CRYBG1: variants seen among roughly 807,000 people sequenced by gnomAD.
The protein encoded by CRYBG1 is beta/gamma crystallin domain-containing protein 1.
CRYBG1 carries 139 observed loss-of-function variants against 189.2 expected under a neutral mutation model. The ratio of observed to expected loss-of-function variants is 0.73; its 90% confidence interval spans 0.64 to 0.85. CRYBG1 has a LOEUF of 0.85. Ranked by LOEUF, CRYBG1 falls within the 40% of genes least tolerant of loss-of-function variation. The pLI is 0.00. For missense variants in CRYBG1, 2,611 were observed against 2,675.8 expected (o/e 0.98, Z 0.53); for synonymous variants, 1,023 against 1,017.1 (o/e 1.01, Z -0.11).
At chr6:106,458,256 C>T (rs999360823) in intron 2 of CRYBG1, among the ~76,000 whole-genome samples, 14 of 152,204 alleles carry the variant, frequency 9.2e-5, no homozygotes, top group Admixed American at 5.2e-4. Context: ...CAGAAGGCTA[C>T]TGTTGTTTCC....
intron 8 of CRYBG1, among the ~76,000 whole-genome samples, chr6:106,531,263 C>A (rs563599261): frequency 6.6e-6 from 1 of 152,306 alleles, no homozygotes; most frequent in South Asian, 2.1e-4. Context: ...GGATAAATTA[C>A]AGATCATAGA....
In CRYBG1 at chr6:106,512,636, C is replaced by A. The variant is rs747362314; in HGVS notation, c.1519C>A (p.Pro507Thr). The A allele has an allele frequency of 6.3e-7, 1 of 1,590,978 alleles. No individual in the cohort carries two copies. The highest frequency in any genetic ancestry group is 1.8e-5 in the Admixed American group (1 of 56,286). ...GGAGTCGGACCGGAGCAAACAGCCA[C>A]CCCCGGCTTCGTCCCCCACGAAGAG... ...RGESDRSKQP[P>T]PASSPTKRKG... The change falls in exon 3 of 22, where the codon CCC becomes ACC. Residue 507 changes from proline to threonine, a missense_variant. Around this residue, in one of 3 missense-constraint regions of CRYBG1, gnomAD observed 985 missense variants for 924.4 expected, o/e 1.07. Coordinates refer to ENST00000633556, the MANE Select transcript of CRYBG1 (RefSeq NM_001371242.2).
intron 16 of CRYBG1, among the ~76,000 whole-genome samples, chr6:106,554,350 C>T (rs1774482860): frequency 6.6e-6 from 1 of 152,160 alleles, no homozygotes; most frequent in African/African-American, 2.4e-5. Context: ...GCAGTGGCTC[C>T]TGCCTGTAAT....
rs577957311 is a variant in CRYBG1 at position 106,539,433 on chromosome 6, G to A, written c.4749G>A (p.Gln1583=). ...TGATTTATGAAGAACCTGGATTTCA[G>A]GGTGTTCCTTTCATCCTGGAACCTG... is the stretch of plus-strand genomic sequence containing the variant. ...TWLIYEEPGF[Q]GVPFILEPGE... Residue 1583 remains glutamine, a synonymous_variant, in exon 9 of 22, where the codon CAG becomes CAA. Transcript: ENST00000633556. The A allele has an allele frequency of 2.5e-6, 4 of 1,614,042 alleles. No individual in the cohort carries two copies. The highest frequency in any genetic ancestry group is 3.3e-5 in the Admixed American group (2 of 60,002).
At chr6:106,400,463 A>G (rs1441646734) in intron 1 of CRYBG1, among the ~76,000 whole-genome samples, 1 of 152,174 alleles carries the variant, frequency 6.6e-6, no homozygotes, top group Non-Finnish European at 1.5e-5. Flanking sequence ...GGATGAAGAA[A>G]ATATTTCAGA....
intron 2 of CRYBG1, among the ~76,000 whole-genome samples, chr6:106,475,052 C>T (rs182729216): frequency 1.2e-4 from 18 of 152,162 alleles, no homozygotes; most frequent in Admixed American, 2.6e-4. Flanking sequence ...TACTCTGTAA[C>T]GTTGTCTTTG....
intron 7 of CRYBG1, among the ~76,000 whole-genome samples, chr6:106,529,442 G>A (rs1387771789): frequency 6.6e-6 from 1 of 152,156 alleles, no homozygotes; most frequent in African/African-American, 2.4e-5. Flanking sequence ...GCTCATTAGA[G>A]TTGTTCCTTT....
chr6:106,501,449 T>C (rs890388146), intron 2 of CRYBG1, among the ~76,000 whole-genome samples: 5 of 152,198 alleles, frequency 3.3e-5, no homozygotes, highest in African/African-American at 9.7e-5. Flanking sequence ...AAACTACATC[T>C]GATAAAGCTG....
At chr6:106,445,964 C>T (rs1261666505) in intron 1 of CRYBG1, among the ~76,000 whole-genome samples, 1 of 152,156 alleles carries the variant, frequency 6.6e-6, no homozygotes, top group African/African-American at 2.4e-5. Flanking sequence ...TCATTAGATG[C>T]CTCTTTGTGA....
At chr6:106,458,051 T>A (rs952679857) in intron 2 of CRYBG1, among the ~76,000 whole-genome samples, 2 of 152,272 alleles carry the variant, frequency 1.3e-5, no homozygotes, top group African/African-American at 4.8e-5. Flanking sequence ...ACAAGCCTTT[T>A]ACTGTGTACT....
chr6:106,392,138 T>C (rs1770519930), intron 1 of CRYBG1, among the ~76,000 whole-genome samples: 3 of 152,124 alleles, frequency 2.0e-5, no homozygotes, highest in Admixed American at 2.0e-4. Flanking sequence ...CCCGCGAATC[T>C]GTGTGGCTGT....
chr6:106,479,676 G>A (rs1772403690), intron 2 of CRYBG1, among the ~76,000 whole-genome samples: 1 of 152,146 alleles, frequency 6.6e-6, no homozygotes, highest in Non-Finnish European at 1.5e-5. Flanking sequence ...AATGATTAGG[G>A]ATATTGAGCA....
chr6:106,492,591 C>T (rs564334912), intron 2 of CRYBG1, among the ~76,000 whole-genome samples: 1 of 152,114 alleles, frequency 6.6e-6, no homozygotes, highest in South Asian at 2.1e-4. Context: ...AGCTAGGGTG[C>T]TTGTATTTTA....
chr6:106,477,427 A>T (rs1199290150), intron 2 of CRYBG1, among the ~76,000 whole-genome samples: 3 of 152,124 alleles, frequency 2.0e-5, no homozygotes, highest in African/African-American at 7.2e-5. Flanking sequence ...TTAGTGGGGG[A>T]AAATTCTGCT....
At chr6:106,433,045 TAGTC>T (rs1280456101) in intron 1 of CRYBG1, among the ~76,000 whole-genome samples, 1 of 152,010 alleles carries the variant, frequency 6.6e-6, no homozygotes, top group Non-Finnish European at 1.5e-5. Flanking sequence ...TTCACGATGT[TAGTC>T]AGGCTGGTCT....
chr6:106,374,395 T>TA (rs1055738142), intron 1 of CRYBG1, among the ~76,000 whole-genome samples: 5 of 151,474 alleles, frequency 3.3e-5, no homozygotes, highest in South Asian at 2.1e-4. Flanking sequence ...CTCTACAAAA[T>TA]AAAAAAAATA....
chr6:106,565,525 A>G (rs184800360), intron 21 of CRYBG1, among the ~76,000 whole-genome samples: 2 of 152,328 alleles, frequency 1.3e-5, no homozygotes, highest in Admixed American at 1.3e-4. Flanking sequence ...AGGATCAGAC[A>G]GAATCTGAGA....
intron 1 of CRYBG1, among the ~76,000 whole-genome samples, chr6:106,380,522 A>G (rs1770264973): frequency 1.3e-5 from 2 of 152,186 alleles, no homozygotes; most frequent in Non-Finnish European, 1.5e-5. Context: ...CGTTTCTGTG[A>G]CAACCTTTGG....
chr6:106,434,330 A>G (rs1010789905), intron 1 of CRYBG1, among the ~76,000 whole-genome samples: 2 of 152,204 alleles, frequency 1.3e-5, no homozygotes, highest in African/African-American at 4.8e-5. Context: ...TTTGGAGGAT[A>G]GCTACAACAG....
Sources: allele counts gnomAD v4.1 joint callset (sites outside exome capture counted in the v4.1 genomes callset), GRCh38; gene constraint gnomAD v4.1.1; regional missense constraint gnomAD v4.1.1; transcripts MANE v1.5; gene names NCBI Gene and HGNC (gene_info 2026-07-23, HGNC 2026-07-21).